BOP1: variants seen among roughly 807,000 people sequenced by gnomAD.
BOP1 encodes ribosome biogenesis protein BOP1.
Under a neutral mutation model 82.9 loss-of-function variants are expected in BOP1, and 54 were observed. The ratio of observed to expected loss-of-function variants is 0.65; its 90% CI spans 0.52 to 0.82. The LOEUF is 0.82. Ranked by LOEUF, BOP1 falls within the 40% of genes least tolerant of loss-of-function variation. The probability of loss-of-function intolerance (pLI) is 0.00; values close to 1 mark genes in which losing one functional copy is unlikely to be tolerated. For synonymous variants in BOP1, 566 were observed against 451.1 expected (o/e 1.25, Z -3.23); for missense variants, 1,170 against 1,072.0 (o/e 1.09, Z -1.28).
At chr8:144,288,691 C>T (rs1171738688) in intron 2 of BOP1, among the ~76,000 whole-genome samples, 1 of 152,218 alleles carries the variant, frequency 6.6e-6, no homozygotes, top group Non-Finnish European at 1.5e-5. Flanking sequence ...CCCTGAAGCC[C>T]TGTGGGGTCA....
At chr8:144,278,511 C>A (rs1400430258) in intron 2 of BOP1, among the ~76,000 whole-genome samples, 1 of 152,246 alleles carries the variant, frequency 6.6e-6, no homozygotes, top group Non-Finnish European at 1.5e-5. Context: ...TCTGCCCTCA[C>A]CTCCTGGGAG....
intron 13 of BOP1, 71 bp from the exon 14 acceptor site, chr8:144,262,743 A>ACACCCCTCACCTGCACCCCCC: frequency 1.4e-6 from 2 of 1,444,474 alleles, no homozygotes; most frequent in African/African-American, 3.5e-5. Flanking sequence ...CCCGTCACCT[A>ACACCCCTCACCTGCACCCCCC]CACCCCTCAC....
Position 144,262,945 on chromosome 8 carries a change from C to A in BOP1, c.1802G>T (p.Ser601Ile), listed in dbSNP as rs1845259537. Residue 601 changes from serine (S) to isoleucine (I), a missense_variant, in exon 13 of 16, where the codon AGC becomes ATC. Physicochemically the swap from Ser to Ile is moderately radical, Grantham distance 142 (BLOSUM62 -2). Coordinates refer to ENST00000569669, the MANE Select transcript of BOP1 (RefSeq NM_015201.5). ...RPFLLVASQR[S>I]VRLYHLLRQE... ...GCGCAGCAGGTGGTAGAGGCGGACGCTGCGCTGGGACGCCACCAACAGGAA... is the reference window on the plus strand; with the variant it reads ...GCGCAGCAGGTGGTAGAGGCGGACGATGCGCTGGGACGCCACCAACAGGAA... The A allele has an allele frequency of 1.3e-6, 2 of 1,547,310 alleles. No individual in the cohort carries two copies. Among genetic ancestry groups the A allele is most frequent in the South Asian group, 2.4e-5 (2 of 84,998 alleles).
At position 144,264,394 on chromosome 8, in the gene BOP1, G is replaced by C; in HGVS notation, c.809C>G (p.Pro270Arg). The C allele has an allele frequency of 6.2e-7, 1 of 1,602,748 alleles. No individual in the cohort carries two copies. The highest frequency in any genetic ancestry group is 8.5e-7 in the Non-Finnish European group (1 of 1,179,686). Residue 270 changes from proline to arginine, a missense_variant, in exon 7 of 16, where the codon CCT becomes CGT. Transcript: ENST00000569669. The stretch of plus-strand genomic sequence containing the variant: ...GGGGGTGGGGTCTCGGGGCCGGCGA[G>C]GCTGGATCCAGCCCATCTTGATGGC... Reference protein sequence around the residue: ...VHAIKMGWIQPRRPRDPTPSF... With the variant: ...VHAIKMGWIQRRRPRDPTPSF...
chr8:144,263,825 A>C lies in BOP1; in HGVS notation c.1221+6T>G. On this transcript the variant is annotated splice_donor_region_variant and intron_variant, in intron 9 of 15. Coordinates refer to ENST00000569669, the MANE Select transcript of BOP1 (RefSeq NM_015201.5). ...GTGCAACCCCAGCCCCCTAGTCTCC[A>C]CTTACCAGGGCCTGGCACGTGGGGA... 1 of 1,610,928 alleles carries C rather than the reference A, an allele frequency of 6.2e-7. No homozygotes were observed. Among genetic ancestry groups the C allele is most frequent in the Admixed American group, 1.7e-5 (1 of 59,920 alleles).
At chr8:144,267,040 T>C in intron 3 of BOP1, 1 of 1,517,702 alleles carries the variant, frequency 6.6e-7, no homozygotes, top group Non-Finnish European at 8.8e-7. Flanking sequence ...CGGACAGCCC[T>C]GCCACTCCGG....
At chr8:144,273,122 C>G (rs1443373974) in intron 3 of BOP1, among the ~76,000 whole-genome samples, 13 of 152,160 alleles carry the variant, frequency 8.5e-5, no homozygotes, top group Admixed American at 3.9e-4. Flanking sequence ...GAGGCCGCGC[C>G]GCCAGCAGCG....
chr8:144,290,291 A>C (rs1815008439), intron 1 of BOP1, among the ~76,000 whole-genome samples: 1 of 149,952 alleles, frequency 6.7e-6, no homozygotes, highest in Non-Finnish European at 1.5e-5. Flanking sequence ...GTGAGCCAAG[A>C]CTGCACCACT....
At chr8:144,268,350 TGCCCGG>T (rs1435786001) in intron 3 of BOP1, 13 of 651,342 alleles carry the variant, frequency 2.0e-5, no homozygotes, top group Non-Finnish European at 3.1e-5. Flanking sequence ...CCCCAGCACC[TGCCCGG>T]GCCCACTGGA....
rs1845256586 is a variant in BOP1, at chr8:144,262,865, C to T, written c.1882G>A (p.Val628Met). Reference sequence around the variant, plus strand: ...CCCCACCCCTCACCTGCAGGGTGCACCGCCAGGCTGGACACCCACTTGCAG... The same window carrying T: ...CCCCACCCCTCACCTGCAGGGTGCATCGCCAGGCTGGACACCCACTTGCAG... Reference protein sequence around the residue: ...PNCKWVSSLAVHPAGDNVICG... With the variant: ...PNCKWVSSLAMHPAGDNVICG... The change falls in exon 13 of 16, where the codon GTG becomes ATG. Residue 628 changes from valine (V) to methionine (M), a missense_variant. Val to Met is a conservative substitution (Grantham distance 21). Coordinates refer to ENST00000569669, the MANE Select transcript of BOP1 (RefSeq NM_015201.5). The T allele has an allele frequency of 1.5e-6, 2 of 1,347,646 alleles. No homozygotes were observed. Among genetic ancestry groups the T allele is most frequent in the Admixed American group, 2.2e-5 (1 of 45,898 alleles). The allele number at this position is 1,347,646 out of a possible 1,614,324, so 83.5% of individuals were successfully genotyped here. A position where few individuals can be genotyped will look rare whatever the true frequency, so the allele number is the denominator to read the frequency against.
chr8:144,285,126 G>A (rs545658782), intron 2 of BOP1, among the ~76,000 whole-genome samples: 42 of 152,320 alleles, frequency 2.8e-4, no homozygotes, highest in African/African-American at 9.9e-4. Flanking sequence ...TGGCAGAGAT[G>A]AACAAAAGCC....
chr8:144,282,402 A>T (rs1845699428), intron 2 of BOP1, among the ~76,000 whole-genome samples: 1 of 152,194 alleles, frequency 6.6e-6, no homozygotes, highest in African/African-American at 2.4e-5. Flanking sequence ...CGCAATTAAG[A>T]GGCAGGACTG....
intron 3 of BOP1, 162 bp from the exon 4 acceptor site, chr8:144,265,233 G>A (rs1845333087): frequency 2.5e-6 from 2 of 813,558 alleles, no homozygotes; most frequent in Non-Finnish European, 1.9e-6. Context: ...CCAGCCCTGG[G>A]GTCTGACGTG....
chr8:144,288,755 G>C (rs1814954874), intron 2 of BOP1, among the ~76,000 whole-genome samples: 1 of 152,116 alleles, frequency 6.6e-6, no homozygotes, highest in South Asian at 2.1e-4. Context: ...GCCCTGCCAT[G>C]CTGCTCAGCT....
In BOP1 at chr8:144,264,112, C is replaced by G. The variant is rs920024095; in HGVS notation, c.1009G>C (p.Glu337Gln). ...CGTGGCAAAAAGCTCAGCTTCCTCTCGCCTGGCTCCTGCTGTTCCCACGCC... is the reference window on the plus strand; with the variant it reads ...CGTGGCAAAAAGCTCAGCTTCCTCTGGCCTGGCTCCTGCTGTTCCCACGCC... ...RLAWEQQEPGERKLSFLPRKF... is the reference protein window; with the variant it reads ...RLAWEQQEPGQRKLSFLPRKF... Residue 337 changes from glutamate (E) to glutamine (Q), a missense_variant, in exon 8 of 16, where the codon GAG becomes CAG. Coordinates refer to ENST00000569669, the MANE Select transcript of BOP1 (RefSeq NM_015201.5). 1.1e-5 allele frequency: 17 copies of G among 1,610,256 alleles called. No homozygotes were observed. The highest frequency in any genetic ancestry group is 1.4e-5 in the Non-Finnish European group (16 of 1,179,254).
intron 3 of BOP1, among the ~76,000 whole-genome samples, chr8:144,271,293 G>A (rs1347191143): frequency 1.3e-5 from 2 of 152,088 alleles, no homozygotes; most frequent in South Asian, 2.1e-4. Flanking sequence ...GGAACTGCAG[G>A]TATGGGGCTG....
chr8:144,265,422 G>A (rs1845337276), intron 3 of BOP1: 3 of 418,954 alleles, frequency 7.2e-6, no homozygotes, highest in East Asian at 9.3e-5. Flanking sequence ...CCCCTGGCAG[G>A]GGCCTTAGGC....
Position 144,264,576 on chromosome 8 carries a change from G to A in BOP1, c.704C>T (p.Pro235Leu), listed in dbSNP as rs1294750540. Residue 235 changes from proline to leucine, a missense_variant, in exon 6 of 16, where the codon CCG becomes CTG. Coordinates refer to ENST00000569669, the MANE Select transcript of BOP1 (RefSeq NM_015201.5). ...CTTGTCGGCCGGGCGGTTGGTCACC[G>A]GGTGGATCATGACGTCCCCGCTGAA... ...DFFSGDVMIH[P>L]VTNRPADKRS... is the part of the protein sequence containing the mutation. 1.9e-5 allele frequency: 31 copies of A among 1,608,732 alleles called. No homozygotes were observed. The highest frequency in any genetic ancestry group is 1.8e-4 in the Middle Eastern group (1 of 5,606).
chr8:144,262,489 G>T lies in BOP1; in HGVS notation c.1994C>A (p.Ala665Asp). The change falls in exon 15 of 16, where the codon GCT (alanine) becomes GAT (aspartate). Residue 665 changes from alanine to aspartate, a missense_variant. By Grantham distance (126) the Ala-to-Asp change is moderately radical. Transcript: ENST00000569669. ...PYRMLRHHKKALRAVAFHPRY... is the reference protein window; with the variant it reads ...PYRMLRHHKKDLRAVAFHPRY... ...CGGGTGGAAGGCCACAGCCCGCAGAGCCTTCTTGTGGTGTCTGGGGGGAGG... is the reference window on the plus strand; with the variant it reads ...CGGGTGGAAGGCCACAGCCCGCAGATCCTTCTTGTGGTGTCTGGGGGGAGG... The T allele has an allele frequency of 6.2e-7, 1 of 1,612,756 alleles. No homozygotes were observed. Among genetic ancestry groups the T allele is most frequent in the East Asian group, 2.2e-5 (1 of 44,828 alleles).
Sources: gnomAD v4.1 joint callset for allele counts (sites outside exome capture counted in the v4.1 genomes callset) on GRCh38, gnomAD v4.1.1 for gene constraint, MANE v1.5 for transcripts, NCBI Gene and HGNC (gene_info 2026-07-23, HGNC 2026-07-21) for gene names.